Variants in ASTN2 observed in about 807,000 individuals in gnomAD.
ASTN2 encodes the protein astrotactin 2.
In ASTN2, 54 loss-of-function variants were observed where a neutral mutation model predicts 139.8. The observed-to-expected ratio is 0.39, with a 90% CI of 0.31 to 0.48. The LOEUF is 0.48. ASTN2 is among the 20% of genes least tolerant of loss of function. ASTN2 has a pLI of 0.95. For missense variants in ASTN2, 1,565 were observed against 1,725.1 expected, an observed-to-expected ratio of 0.91 and a Z score of 1.64; for synonymous variants, 756 against 719.5, an observed-to-expected ratio of 1.05 and a Z score of -0.81.
In ASTN2 at chr9:117,378,322, T is replaced by C. The variant is rs1830177919; in HGVS notation, c.442+36175A>G. ...TCTTCAAGGTCTAGATCTTTGGGTG[T>C]CCATGTTATGGAGGCAGATTTCCAC... On this transcript the variant is annotated intron_variant, in intron 1 of 22. Coordinates refer to ENST00000313400, the MANE Select transcript of ASTN2 (RefSeq NM_001365068.1). 3.3e-5 allele frequency among the ~76,000 whole-genome samples: 5 copies of C among 152,122 alleles called. No homozygotes were observed. The South Asian group carries it at 1.0e-3, about 32-fold the overall frequency.
At chr9:117,138,436 C>T (rs1214913141) in intron 4 of ASTN2, among the ~76,000 whole-genome samples, 1 of 152,154 alleles carries the variant, frequency 6.6e-6, no homozygotes, top group Non-Finnish European at 1.5e-5. Context: ...GTGAAGGAAG[C>T]CAGTTTGGCT....
chr9:116,510,188 G>A (rs1850307900), intron 19 of ASTN2, among the ~76,000 whole-genome samples: 1 of 152,138 alleles, frequency 6.6e-6, no homozygotes, highest in African/African-American at 2.4e-5. Context: ...TTTGTATAAG[G>A]TGTAAGGAAG....
intron 10 of ASTN2, among the ~76,000 whole-genome samples, chr9:116,948,787 T>TTTTTTTTTTTGTTTTTTTG (rs1835472907): frequency 3.1e-5 from 1 of 31,810 alleles, no homozygotes; most frequent in Non-Finnish European, 9.5e-5. Flanking sequence ...AATTTGGTGT[T>TTTTTTTTTTTGTTTTTTTG]TTTTTTTTTT....
At chr9:116,947,049 T>C (rs1025243346) in intron 10 of ASTN2, among the ~76,000 whole-genome samples, 6 of 151,524 alleles carry the variant, frequency 4.0e-5, no homozygotes, top group Non-Finnish European at 7.4e-5. Context: ...AGGAGAGGAA[T>C]GTTGCCAGGA....
chr9:116,444,627 T>C (rs1847931871), intron 20 of ASTN2, among the ~76,000 whole-genome samples: 1 of 152,088 alleles, frequency 6.6e-6, no homozygotes, highest in African/African-American at 2.4e-5. Context: ...GTTGTTTTAA[T>C]AAAGGGTACC....
intron 20 of ASTN2, among the ~76,000 whole-genome samples, chr9:116,445,166 C>T (rs1202686470): frequency 6.6e-6 from 1 of 152,082 alleles, no homozygotes; most frequent in African/African-American, 2.4e-5. Flanking sequence ...TTGACAAATA[C>T]TGATATAAAT....
intron 10 of ASTN2, among the ~76,000 whole-genome samples, chr9:116,944,665 G>A (rs1588431119): frequency 8.3e-6 from 1 of 120,128 alleles, no homozygotes; most frequent in African/African-American, 3.2e-5. Context: ...CTGGGCGACA[G>A]AGTAAGACTC....
At chr9:116,539,698 C>A (rs907993398) in intron 19 of ASTN2, among the ~76,000 whole-genome samples, 1 of 152,222 alleles carries the variant, frequency 6.6e-6, no homozygotes, top group African/African-American at 2.4e-5. Flanking sequence ...CGGGTGTATA[C>A]GCTGGACAAA....
chr9:117,161,069 T>A lies in ASTN2; in HGVS notation c.1016-19591A>T, dbSNP rs113173497. The stretch of plus-strand genomic sequence containing the variant: ...TAACCACTGCAATTCTCAAGGGATC[T>A]TATCTATGTAATTGGTTTAATAATA... On this transcript the variant is annotated intron_variant, in intron 3 of 22. Coordinates refer to ENST00000313400, the MANE Select transcript of ASTN2 (RefSeq NM_001365068.1). 1.9e-4 allele frequency among the ~76,000 whole-genome samples: 29 copies of A among 152,182 alleles called. 1 individual carries two copies. Among genetic ancestry groups the A allele is most frequent in the African/African-American group, 7.0e-4 (29 of 41,558 alleles).
intron 4 of ASTN2, among the ~76,000 whole-genome samples, chr9:117,110,404 T>C (rs1328922474): frequency 6.6e-6 from 1 of 152,198 alleles, no homozygotes; most frequent in East Asian, 1.9e-4. Flanking sequence ...ATCGCCTTAA[T>C]ATCCAACTTG....
intron 3 of ASTN2, among the ~76,000 whole-genome samples, chr9:117,152,916 G>C (rs1830355424): frequency 6.6e-6 from 1 of 152,042 alleles, no homozygotes; most frequent in Non-Finnish European, 1.5e-5. Flanking sequence ...TTTACTACAT[G>C]ACAGTTATTA....
intron 10 of ASTN2, among the ~76,000 whole-genome samples, chr9:116,889,807 T>C (rs1833716842): frequency 1.3e-5 from 2 of 151,636 alleles, no homozygotes; most frequent in Admixed American, 6.6e-5. Context: ...GGCACATGCC[T>C]GTAGTCCCAG....
intron 2 of ASTN2, among the ~76,000 whole-genome samples, chr9:117,252,501 C>A (rs1008071201): frequency 3.3e-5 from 5 of 152,172 alleles, no homozygotes; most frequent in African/African-American, 1.2e-4. Context: ...GAGCAAGAAA[C>A]AGGACAGATC....
At chr9:116,588,588 C>T (rs527897214) in intron 19 of ASTN2, among the ~76,000 whole-genome samples, 1 of 152,296 alleles carries the variant, frequency 6.6e-6, no homozygotes, top group East Asian at 1.9e-4. Flanking sequence ...GTTACTTAAT[C>T]TGTCATAATA....
intron 20 of ASTN2, among the ~76,000 whole-genome samples, chr9:116,472,429 T>A (rs528189695): frequency 6.6e-6 from 1 of 152,176 alleles, no homozygotes; most frequent in Non-Finnish European, 1.5e-5. Context: ...ATGCCTTTAT[T>A]ATGGGGCAAA....
chr9:116,730,512 G>T (rs112405915), intron 14 of ASTN2, among the ~76,000 whole-genome samples: 3,516 of 152,278 alleles, frequency 0.023, 142 homozygotes, highest in South Asian at 0.16. Context: ...GCCTCTCCTG[G>T]CCTTCCTTTG....
At chr9:116,477,620 C>G (rs1849025010) in intron 20 of ASTN2, among the ~76,000 whole-genome samples, 1 of 151,410 alleles carries the variant, frequency 6.6e-6, no homozygotes, top group Admixed American at 6.6e-5. Flanking sequence ...GAAGAGCGAC[C>G]CTAGGGCTGA....
At chr9:116,566,233 A>T (rs560623161) in intron 19 of ASTN2, among the ~76,000 whole-genome samples, 1 of 152,288 alleles carries the variant, frequency 6.6e-6, no homozygotes, top group East Asian at 1.9e-4. Context: ...AGTCATGCAC[A>T]AGTCCTTGAA....
intron 12 of ASTN2, among the ~76,000 whole-genome samples, chr9:116,818,655 G>A (rs545633711): frequency 6.6e-6 from 1 of 152,304 alleles, no homozygotes; most frequent in Non-Finnish European, 1.5e-5. Flanking sequence ...ACTAGCAAAT[G>A]TTATTAGAAT....
Sources: gnomAD v4.1 joint callset for allele counts (sites outside exome capture counted in the v4.1 genomes callset) on GRCh38, gnomAD v4.1.1 for gene constraint, MANE v1.5 for transcripts, NCBI Gene and HGNC (gene_info 2026-07-23, HGNC 2026-07-21) for gene names.